Variants in CDS2 observed in about 807,000 individuals in gnomAD.
The protein encoded by CDS2 is CDP-diacylglycerol synthase 2.
A neutral mutation model predicts 59.0 loss-of-function variants in CDS2; 47 were observed. The ratio of observed to expected loss-of-function variants is 0.80; its 90% CI spans 0.63 to 1.02. The LOEUF (loss-of-function observed/expected upper bound fraction) is 1.02, where lower values mean the gene tolerates loss of function less well. Among genes scored for constraint, CDS2 ranks in the 50% least tolerant of loss-of-function variants. CDS2 has a pLI of 0.00. For missense variants in CDS2, 356 were observed against 558.9 expected, an observed-to-expected ratio of 0.64 and a Z score of 3.66; for synonymous variants, 207 against 206.4, an observed-to-expected ratio of 1.00 and a Z score of -0.02.
Position 5,171,019 on chromosome 20 carries a change from G to A in CDS2, c.58-2504G>A, listed in dbSNP as rs139277609. 1.7e-4 allele frequency among the ~76,000 whole-genome samples: 26 copies of A among 152,294 alleles called. No individual in the cohort carries two copies. In the South Asian group the frequency reaches 2.3e-3, roughly 13 times the overall value. ...ATTTCTTAGTTGTTCAGCTCAGTCC[G>A]CCTGAGGTCTTGGTAACAATAGTTG... On this transcript the variant is annotated intron_variant, in intron 1 of 12. Coordinates refer to ENST00000460006, the MANE Select transcript of CDS2 (RefSeq NM_003818.4).
chr20:5,173,737 G>T (rs2090973934), intron 2 of CDS2, 78 bp downstream of exon 2: 13 of 1,563,220 alleles, frequency 8.3e-6, no homozygotes, highest in Non-Finnish European at 1.1e-5. Flanking sequence ...CCTGCAGAGA[G>T]CCCGTGGTCT....
chr20:5,160,854 G>A (rs1452636813), intron 1 of CDS2, among the ~76,000 whole-genome samples: 1 of 152,128 alleles, frequency 6.6e-6, no homozygotes, highest in Non-Finnish European at 1.5e-5. Context: ...TGTCCTCAAG[G>A]TTCATCCATG....
At position 5,189,147 on chromosome 20, in the gene CDS2, ATTC is replaced by A; in HGVS notation, c.1066_1068del (p.Phe356del). The stretch of plus-strand genomic sequence containing the variant: ...CCTCGCTCATTGGCCCCTTTGGAGG[ATTC>A]TTCGCAAGTGGATTCAAACGAGCCT... On this transcript the variant is annotated inframe_deletion, in exon 11 of 13. Coordinates refer to ENST00000460006, the MANE Select transcript of CDS2 (RefSeq NM_003818.4). The A allele has an allele frequency of 6.2e-7, 1 of 1,614,076 alleles. No individual in the cohort carries two copies. Among genetic ancestry groups the A allele is most frequent in the South Asian group, 1.1e-5 (1 of 91,066 alleles).
At chr20:5,186,480 T>C (rs1471432840) in intron 9 of CDS2, among the ~76,000 whole-genome samples, 2 of 151,996 alleles carry the variant, frequency 1.3e-5, no homozygotes, top group Non-Finnish European at 2.9e-5. Context: ...TTTGGGTTCC[T>C]GTATGTAACC....
intron 1 of CDS2, among the ~76,000 whole-genome samples, chr20:5,148,203 C>G (rs548285316): frequency 5.3e-5 from 8 of 152,138 alleles, no homozygotes; most frequent in Non-Finnish European, 1.2e-4. Context: ...ACAGAAATAT[C>G]TCCTCCTTAG....
chr20:5,175,393 T>C (rs1480116120), intron 3 of CDS2, 114 bp downstream of exon 3: 2 of 772,072 alleles, frequency 2.6e-6, no homozygotes, highest in African/African-American at 1.7e-5. Context: ...TCCAGGCTTC[T>C]CAGAAAACCT....
chr20:5,139,161 G>T (rs978390980), intron 1 of CDS2, among the ~76,000 whole-genome samples: 1 of 152,222 alleles, frequency 6.6e-6, no homozygotes, highest in Non-Finnish European at 1.5e-5. Flanking sequence ...GGCCAAAATG[G>T]TGAAACCTCA....
At chr20:5,161,569 A>G (rs577214095) in intron 1 of CDS2, among the ~76,000 whole-genome samples, 1 of 152,384 alleles carries the variant, frequency 6.6e-6, no homozygotes, top group African/African-American at 2.4e-5. Context: ...TGTAAGTAGT[A>G]TAATCCAGTA....
At chr20:5,147,057 G>T (rs2090749467) in intron 1 of CDS2, among the ~76,000 whole-genome samples, 1 of 152,206 alleles carries the variant, frequency 6.6e-6, no homozygotes, top group Non-Finnish European at 1.5e-5. Flanking sequence ...GAACTAATTT[G>T]CATGTTCTTA....
chr20:5,182,221 G>C (rs2091037344), intron 5 of CDS2, among the ~76,000 whole-genome samples, 166 bp from the exon 6 acceptor site: 1 of 152,102 alleles, frequency 6.6e-6, no homozygotes, highest in Admixed American at 6.5e-5. Flanking sequence ...TTTTTTCCTT[G>C]TGACTGTTTA....
intron 11 of CDS2, among the ~76,000 whole-genome samples, 199 bp downstream of exon 11, chr20:5,189,385 T>C (rs531351158): frequency 6.6e-6 from 1 of 152,290 alleles, no homozygotes; most frequent in East Asian, 1.9e-4. Flanking sequence ...TTCAGTTTAT[T>C]TGTTAATATA....
At chr20:5,127,408 C>T (rs1030007537) in intron 1 of CDS2, among the ~76,000 whole-genome samples, 1 of 152,086 alleles carries the variant, frequency 6.6e-6, no homozygotes, top group Admixed American at 6.5e-5. Context: ...TCGGGAGTGG[C>T]GCACGGCCTC....
intron 1 of CDS2, among the ~76,000 whole-genome samples, chr20:5,142,208 A>G (rs903829840): frequency 1.3e-4 from 20 of 152,104 alleles, no homozygotes; most frequent in African/African-American, 4.6e-4. Flanking sequence ...GCACTTTGGG[A>G]GGCTGAGGCA....
intron 1 of CDS2, among the ~76,000 whole-genome samples, chr20:5,133,157 A>G (rs935804011): frequency 3.0e-4 from 46 of 152,366 alleles, no homozygotes; most frequent in Admixed American, 2.8e-3. Flanking sequence ...CCAGGAGGAC[A>G]GAGCGAGACT....
chr20:5,135,432 G>A (rs968452161), intron 1 of CDS2, among the ~76,000 whole-genome samples: 10 of 151,396 alleles, frequency 6.6e-5, no homozygotes, highest in Admixed American at 4.6e-4. Context: ...GCTGTTGGGG[G>A]TGAAAAAGTA....
At position 5,194,117 on chromosome 20, in the gene CDS2, G is replaced by GCCT. The variant is rs139019564; in HGVS notation, c.*3884_*3886dup. On this transcript the variant is annotated 3_prime_UTR_variant, in exon 13 of 13. Coordinates refer to ENST00000460006, the MANE Select transcript of CDS2 (RefSeq NM_003818.4). ...CAAAGAGCAGGTGGAACAAACTCTGGCCTGAAGATGATGGCTAATACTCAG... is the reference window on the plus strand; with the variant it reads ...CAAAGAGCAGGTGGAACAAACTCTGGCCTCCTGAAGATGATGGCTAATACTCAG... 3,079 of 152,316 alleles carry GCCT rather than the reference G, an allele frequency of 0.02. 48 individuals are homozygous for GCCT. The highest frequency in any genetic ancestry group is 0.081 in the East Asian group (419 of 5,184). The allele number at this position is 152,316 out of a possible 1,614,324, so 9.4% of individuals were successfully genotyped here. A position where few individuals can be genotyped will look rare whatever the true frequency, so the allele number is the denominator to read the frequency against.
chr20:5,140,468 A>C (rs148501904), intron 1 of CDS2, among the ~76,000 whole-genome samples: 2 of 152,184 alleles, frequency 1.3e-5, no homozygotes, highest in Non-Finnish European at 2.9e-5. Flanking sequence ...ATTTTAGTCT[A>C]CTGATTACAA....
intron 1 of CDS2, among the ~76,000 whole-genome samples, chr20:5,167,244 C>T (rs541153006): frequency 6.6e-6 from 1 of 152,308 alleles, no homozygotes; most frequent in East Asian, 1.9e-4. Context: ...TTTTCTTGTC[C>T]TTTCTCTGAG....
chr20:5,136,115 A>G (rs1161251723), intron 1 of CDS2, among the ~76,000 whole-genome samples: 6 of 152,134 alleles, frequency 3.9e-5, no homozygotes, highest in Non-Finnish European at 8.8e-5. Context: ...GATGTCTGCC[A>G]TTGACACCGA....
Sources: gnomAD v4.1 joint callset for allele counts (sites outside exome capture counted in the v4.1 genomes callset) on GRCh38, gnomAD v4.1.1 for gene constraint, MANE v1.5 for transcripts, NCBI Gene and HGNC (gene_info 2026-07-23, HGNC 2026-07-21) for gene names.